ZNF740: variants seen among roughly 807,000 people sequenced by gnomAD.
The protein encoded by ZNF740 is zinc finger protein 740.
In ZNF740, 14 loss-of-function variants were observed where a neutral mutation model predicts 24.8. That is an observed-to-expected ratio of 0.56 (90% CI 0.37 to 0.88). ZNF740 has a LOEUF of 0.88. Ranked by LOEUF, ZNF740 falls within the 40% of genes least tolerant of loss-of-function variation. The pLI, the probability that ZNF740 is intolerant of heterozygous loss-of-function variation, is 0.00. For missense variants in ZNF740, 201 were observed against 247.9 expected, an observed-to-expected ratio of 0.81 and a Z score of 1.27; for synonymous variants, 69 against 84.0, an observed-to-expected ratio of 0.82 and a Z score of 0.98.
rs1322555652 is a variant in ZNF740 at position 53,180,745 on chromosome 12, G to A, written c.-400G>A. 1.6e-6 allele frequency: 2 copies of A among 1,266,216 alleles called. No homozygotes were observed. Among genetic ancestry groups the A allele is most frequent in the Admixed American group, 4.8e-5 (2 of 41,338 alleles). 78.4% of individuals were successfully genotyped at this position (1,266,216 alleles called of 1,614,324 possible). On this transcript the variant is annotated 5_prime_UTR_variant, in exon 1 of 7. Coordinates refer to ENST00000416904, the MANE Select transcript of ZNF740 (RefSeq NM_001004304.4). ...TTGTAAACTTGCCTCGGTCCCGGTG[G>A]GGGCAGCCGCGGCGGTGGGGTTGGC...
At chr12:53,184,274 C>T (rs191066745) in intron 2 of ZNF740, among the ~76,000 whole-genome samples, 59 of 151,858 alleles carry the variant, frequency 3.9e-4, no homozygotes, top group African/African-American at 1.1e-3. Flanking sequence ...CTGCAGCCTC[C>T]GCCTCCCGGG....
intron 4 of ZNF740, 39 bp downstream of exon 4, chr12:53,185,515 GTAAT>G: frequency 1.9e-6 from 3 of 1,573,530 alleles, no homozygotes; most frequent in Non-Finnish European, 2.6e-6. Context: ...ATACAGTTTG[GTAAT>G]GGGGTAATAT....
At position 53,192,400 on chromosome 12, in the gene ZNF740, G is replaced by T. The variant is rs1208837818; in HGVS notation, c.*4810G>T. 1.1e-5 allele frequency: 17 copies of T among 1,613,986 alleles called. No individual in the cohort carries two copies. The highest frequency in any genetic ancestry group is 1.4e-5 in the Non-Finnish European group (17 of 1,180,040). ...CCTCCACCAAGAAGAAGAACAGCTG[G>T]TTGTCCAGGGTCCGCTCTTTGCACC... On this transcript the variant is annotated 3_prime_UTR_variant, in exon 7 of 7. Coordinates refer to ENST00000416904, the MANE Select transcript of ZNF740 (RefSeq NM_001004304.4).
Position 53,192,593 on chromosome 12 carries a change from T to C in ZNF740, c.*5003T>C. ...CTGGGCAGTTGTCACCCAATGCCCC[T>C]TGCCCAACTACAAGCAGGACGGAGA... On this transcript the variant is annotated 3_prime_UTR_variant, in exon 7 of 7. Transcript: ENST00000416904. 2 of 1,596,418 alleles carry C rather than the reference T, an allele frequency of 1.3e-6. No homozygotes were observed. The highest frequency in any genetic ancestry group is 1.3e-5 in the African/African-American group (1 of 74,670).
rs574226446 is a variant in ZNF740, at chr12:53,194,296, C to T, written c.*6706C>T. ...CACTGGGATTCGTAAGAAATGTGGA[C>T]CCCAGGAGGGAGTGAAGAGTGTTCA... On this transcript the variant is annotated 3_prime_UTR_variant, in exon 7 of 7. Transcript: ENST00000416904. 6.2e-7 allele frequency: 1 copy of T among 1,613,962 alleles called. No homozygotes were observed. Among genetic ancestry groups the T allele is most frequent in the Non-Finnish European group, 8.5e-7 (1 of 1,179,948 alleles).
Position 53,181,838 on chromosome 12 carries a change from C to T in ZNF740, c.-146C>T. Reference sequence around the variant, plus strand: ...GAGGACACTAAGTTCTATTTGAAGACAAAGTTCAATATGGCAACAGGACTG... The same window carrying T: ...GAGGACACTAAGTTCTATTTGAAGATAAAGTTCAATATGGCAACAGGACTG... On this transcript the variant is annotated 5_prime_UTR_variant, in exon 2 of 7. Coordinates refer to ENST00000416904, the MANE Select transcript of ZNF740 (RefSeq NM_001004304.4). 9.7e-7 allele frequency: 1 copy of T among 1,034,952 alleles called. No individual in the cohort carries two copies. The highest frequency in any genetic ancestry group is 1.4e-6 in the Non-Finnish European group (1 of 708,710). The allele number at this position is 1,034,952 out of a possible 1,614,324, so 64.1% of individuals were successfully genotyped here.
rs568386141 is a variant in ZNF740, at chr12:53,189,822, T to G, written c.*2232T>G. 2.0e-5 allele frequency: 3 copies of G among 152,318 alleles called. No homozygotes were observed. In the South Asian group the frequency reaches 6.2e-4, roughly 32 times the overall value. The allele number at this position is 152,318 out of a possible 1,614,324, so 9.4% of individuals were successfully genotyped here. A position where few individuals can be genotyped will look rare whatever the true frequency, so the allele number is the denominator to read the frequency against. ...GTACCCTGTAAACCATTTTAAAATATTTAGAAAACTATCCTCCCAAAAATG... is the reference window on the plus strand; with the variant it reads ...GTACCCTGTAAACCATTTTAAAATAGTTAGAAAACTATCCTCCCAAAAATG... On this transcript the variant is annotated 3_prime_UTR_variant, in exon 7 of 7. Coordinates refer to ENST00000416904, the MANE Select transcript of ZNF740 (RefSeq NM_001004304.4).
rs1942079331 is a variant in ZNF740, at chr12:53,194,266, C to G, written c.*6676C>G. ...GCCTTACCCTCCCTCTTCTCAGGAC[C>G]CTCACACTGGGATTCGTAAGAAATG... On this transcript the variant is annotated 3_prime_UTR_variant, in exon 7 of 7. Transcript: ENST00000416904. The G allele has an allele frequency of 6.2e-7, 1 of 1,613,922 alleles. No homozygotes were observed. Among genetic ancestry groups the G allele is most frequent in the South Asian group, 1.1e-5 (1 of 91,072 alleles).
Position 53,180,802 on chromosome 12 carries a change from G to A in ZNF740, c.-343G>A. 2 of 1,272,386 alleles carry A rather than the reference G, an allele frequency of 1.6e-6. No individual in the cohort carries two copies. Among genetic ancestry groups the A allele is most frequent in the Non-Finnish European group, 1.0e-6 (1 of 982,238 alleles). 78.8% of individuals were successfully genotyped at this position (1,272,386 alleles called of 1,614,324 possible). A position where few individuals can be genotyped will look rare whatever the true frequency, so the allele number is the denominator to read the frequency against. ...TGCTGGGGCCTGGAGGAGGCGCCGC[G>A]CGGCCAGGGAGCCAGCGGGAGGCCG... On this transcript the variant is annotated 5_prime_UTR_variant, in exon 1 of 7. Transcript: ENST00000416904.
At chr12:53,185,523 G>A in intron 4 of ZNF740, 47 bp downstream of exon 4, 1 of 1,545,820 alleles carries the variant, frequency 6.5e-7, no homozygotes, top group Non-Finnish European at 8.9e-7. Context: ...TGGTAATGGG[G>A]TAATATTCCT....
chr12:53,186,695 GTAATAA>G (rs772555108), intron 6 of ZNF740, 186 bp downstream of exon 6: 2 of 521,290 alleles, frequency 3.8e-6, no homozygotes, highest in East Asian at 3.1e-5. Context: ...TTAGAACATT[GTAATAA>G]TAATAATAAT....
Position 53,186,527 on chromosome 12 carries a change from T to C in ZNF740, c.492+18T>C. 2 of 1,536,586 alleles carry C rather than the reference T, an allele frequency of 1.3e-6. No individual in the cohort carries two copies. Among genetic ancestry groups the C allele is most frequent in the East Asian group, 4.9e-5 (2 of 40,988 alleles). ...GTCATCAGGTAAGGCTCATCCCTGCTACAATACCCCACACACACTTTTCCT... is the reference window on the plus strand; with the variant it reads ...GTCATCAGGTAAGGCTCATCCCTGCCACAATACCCCACACACACTTTTCCT... On this transcript the variant is annotated intron_variant, in intron 6 of 6. Transcript: ENST00000416904.
rs1466192864 is a variant in ZNF740 at position 53,189,863 on chromosome 12, G to A, written c.*2273G>A. ...CCCAAAAATGCTTTTGAAAATGAGA[G>A]CCCTCTGTCCCTGCCACTTACAGCT... is the stretch of plus-strand genomic sequence containing the variant. On this transcript the variant is annotated 3_prime_UTR_variant, in exon 7 of 7. Transcript: ENST00000416904. 1 of 152,200 alleles carries A rather than the reference G, an allele frequency of 6.6e-6. No individual in the cohort carries two copies. The highest frequency in any genetic ancestry group is 1.5e-5 in the Non-Finnish European group (1 of 68,040). 9.4% of individuals were successfully genotyped at this position (152,200 alleles called of 1,614,324 possible). A position where few individuals can be genotyped will look rare whatever the true frequency, so the allele number is the denominator to read the frequency against.
In ZNF740 at chr12:53,185,393, C is replaced by T; in HGVS notation, c.166C>T (p.Arg56Ter). Residue 56 changes from arginine (R) to a stop codon, truncating the protein, a stop_gained, in exon 4 of 7, where the codon CGA (arginine) becomes TGA (stop). Coordinates refer to ENST00000416904, the MANE Select transcript of ZNF740 (RefSeq NM_001004304.4). LOFTEE classifies it high-confidence loss of function. ...DVLRCSSQGH[R>*]KDSDKSRSRK... ...ATTTGATTTGTCTTCAAAGGGTCAC[C>T]GAAAAGACAGTGATAAGTCCCGGAG... The T allele has an allele frequency of 1.2e-6, 2 of 1,613,768 alleles. No individual in the cohort carries two copies. The highest frequency in any genetic ancestry group is 8.5e-7 in the Non-Finnish European group (1 of 1,179,832).
rs1404150642 is a variant in ZNF740, at chr12:53,189,644, A to G, written c.*2054A>G. 6.6e-6 allele frequency: 1 copy of G among 152,016 alleles called. No homozygotes were observed. Among genetic ancestry groups the G allele is most frequent in the Non-Finnish European group, 1.5e-5 (1 of 68,026 alleles). 9.4% of individuals were successfully genotyped at this position (152,016 alleles called of 1,614,324 possible). A position where few individuals can be genotyped will look rare whatever the true frequency, so the allele number is the denominator to read the frequency against. On this transcript the variant is annotated 3_prime_UTR_variant, in exon 7 of 7. Transcript: ENST00000416904. ...GACACTCCCATTTGATGTGGTCCAG[A>G]ACTTAGACCTCAGTCCTTGGATCAG... is the stretch of plus-strand genomic sequence containing the variant.
At chr12:53,186,660 T>C (rs1941827469) in intron 6 of ZNF740, 151 bp downstream of exon 6, 5 of 579,684 alleles carry the variant, frequency 8.6e-6, no homozygotes, top group Admixed American at 5.9e-5. Context: ...TCTGGCCTTA[T>C]GCAGCTGATC....
rs2120381619 is a variant in ZNF740, at chr12:53,191,652, G to A, written c.*4062G>A. The A allele has an allele frequency of 1.9e-6, 3 of 1,608,398 alleles. No individual in the cohort carries two copies. The highest frequency in any genetic ancestry group is 1.7e-4 in the Middle Eastern group (1 of 6,050). On this transcript the variant is annotated 3_prime_UTR_variant, in exon 7 of 7. Transcript: ENST00000416904. ...GATTACTGTCCTGGAGAAAGATGTT[G>A]CAGATTATAAGCAAAAATCCCAGGA...
rs200684657 is a variant in ZNF740 at position 53,187,587 on chromosome 12, A to C, written c.579A>C (p.Leu193=). 27 of 1,613,696 alleles carry C rather than the reference A, an allele frequency of 1.7e-5. No homozygotes were observed. Among genetic ancestry groups the C allele is most frequent in the Non-Finnish European group, 1.9e-5 (23 of 1,179,798 alleles). The change falls in exon 7 of 7, where the codon CTA becomes CTC. Residue 193 remains leucine (L), a synonymous_variant. Coordinates refer to ENST00000416904, the MANE Select transcript of ZNF740 (RefSeq NM_001004304.4). ...QSKTSDGQFS[L] ...AGACTTCCGACGGGCAGTTTTCTCTATAGGCGCAAGGGGCCCCGGGTGGTG... is the reference window on the plus strand; with the variant it reads ...AGACTTCCGACGGGCAGTTTTCTCTCTAGGCGCAAGGGGCCCCGGGTGGTG...
Position 53,192,595 on chromosome 12 carries a change from GCCCAA to G in ZNF740, c.*5007_*5011del, listed in dbSNP as rs1331640872. On this transcript the variant is annotated 3_prime_UTR_variant, in exon 7 of 7. Coordinates refer to ENST00000416904, the MANE Select transcript of ZNF740 (RefSeq NM_001004304.4). ...GGGCAGTTGTCACCCAATGCCCCTT[GCCCAA>G]CTACAAGCAGGACGGAGAGTAGGCA... 2.5e-6 allele frequency: 4 copies of G among 1,596,906 alleles called. No homozygotes were observed. In the African/African-American group the frequency reaches 5.4e-5, roughly 21 times the overall value.
Sources: allele counts gnomAD v4.1 joint callset (sites outside exome capture counted in the v4.1 genomes callset), GRCh38; gene constraint gnomAD v4.1.1; transcripts MANE v1.5; gene names NCBI Gene and HGNC (gene_info 2026-07-23, HGNC 2026-07-21).